GPATCH8: variants seen among roughly 807,000 people sequenced by gnomAD.
GPATCH8 encodes the protein G patch domain-containing protein 8.
In GPATCH8, 18 loss-of-function variants were observed where a neutral mutation model predicts 118.3. The ratio of observed to expected loss-of-function variants is 0.15; its 90% CI spans 0.11 to 0.23. The LOEUF (loss-of-function observed/expected upper bound fraction) is 0.23. Among genes scored for constraint, GPATCH8 ranks in the 10% least tolerant of loss-of-function variants. The probability of loss-of-function intolerance (pLI) is 1.00; values close to 1 mark genes in which losing one functional copy is unlikely to be tolerated. For synonymous variants in GPATCH8, 659 were observed against 684.7 expected, an observed-to-expected ratio of 0.96 and a Z score of 0.59; for missense variants, 1,631 against 1,873.8, an observed-to-expected ratio of 0.87 and a Z score of 2.39.
rs1415205972 is a variant in GPATCH8, at chr17:44,400,223, G to A, written c.1854C>T (p.Gly618=). The A allele has an allele frequency of 3.7e-6, 6 of 1,613,900 alleles. No homozygotes were observed. The highest frequency in any genetic ancestry group is 2.2e-5 in the South Asian group (2 of 91,062). ...CTGAGGAACGTACTATTTTCTCTCC[G>A]CCCACTTCCTTGCTTTTATTTGGCT... is the stretch of plus-strand genomic sequence containing the variant. The part of the protein sequence containing the change: ...PGEPNKSKEV[G]GEKIVRSSGG... The change falls in exon 8 of 8, where the codon GGC becomes GGT. Residue 618 remains glycine (G), a synonymous_variant. Transcript: ENST00000591680.
chr17:44,400,572 A>G lies in GPATCH8; in HGVS notation c.1505T>C (p.Val502Ala), dbSNP rs1162203703. The stretch of plus-strand genomic sequence containing the variant: ...GGACTCACACATTTGGGTCTCTGAA[A>G]CCTTCTGACTATGACTTTCTAAACT... Reference protein sequence around the residue: ...DQSLESHSQKVSETQMCESNS... With the variant: ...DQSLESHSQKASETQMCESNS... The change falls in exon 8 of 8, where the codon GTT becomes GCT. Residue 502 changes from valine to alanine, a missense_variant. By Grantham distance (64) the Val-to-Ala change is moderately conservative. Coordinates refer to ENST00000591680, the MANE Select transcript of GPATCH8 (RefSeq NM_001002909.4). 2.5e-6 allele frequency: 4 copies of G among 1,614,100 alleles called. No homozygotes were observed. The East Asian group carries it at 6.7e-5, about 27-fold the overall frequency.
chr17:44,409,851 A>G (rs1056874719), intron 6 of GPATCH8, among the ~76,000 whole-genome samples: 3 of 152,204 alleles, frequency 2.0e-5, no homozygotes, highest in African/African-American at 7.2e-5. Context: ...AGTGCACAAA[A>G]CACTACTAAG....
chr17:44,458,687 A>C (rs917991257), intron 3 of GPATCH8, among the ~76,000 whole-genome samples: 4 of 151,988 alleles, frequency 2.6e-5, no homozygotes, highest in African/African-American at 9.7e-5. Context: ...ATGCCTGGCT[A>C]ATCTATTTTT....
At chr17:44,463,687 A>G (rs908514173) in intron 3 of GPATCH8, among the ~76,000 whole-genome samples, 3 of 152,198 alleles carry the variant, frequency 2.0e-5, no homozygotes, top group East Asian at 1.9e-4. Context: ...GCCAATTCCC[A>G]TAATTTCTGA....
chr17:44,482,099 C>T (rs556430679), intron 1 of GPATCH8, among the ~76,000 whole-genome samples: 4 of 151,800 alleles, frequency 2.6e-5, no homozygotes, highest in African/African-American at 7.3e-5. Context: ...CCAGCCTGGG[C>T]GACAGAGTGA....
chr17:44,436,618 G>A, intron 3 of GPATCH8, 73 bp from the exon 4 acceptor site: 1 of 809,978 alleles, frequency 1.2e-6, no homozygotes, highest in Non-Finnish European at 2.2e-6. Context: ...TTGGGTTTTG[G>A]GTGGTTAGAG....
intron 3 of GPATCH8, among the ~76,000 whole-genome samples, chr17:44,453,315 G>A (rs958383614): frequency 6.6e-6 from 1 of 152,076 alleles, no homozygotes; most frequent in South Asian, 2.1e-4. Context: ...GCTTACCCTT[G>A]GGCAACATAT....
chr17:44,443,460 A>G (rs2050770770), intron 3 of GPATCH8, among the ~76,000 whole-genome samples: 1 of 152,192 alleles, frequency 6.6e-6, no homozygotes, highest in African/African-American at 2.4e-5. Context: ...AGCAACTCTA[A>G]CATATGATAT....
chr17:44,473,837 A>C (rs1598591158), intron 2 of GPATCH8: 1 of 152,222 alleles, frequency 6.6e-6, no homozygotes, highest in African/African-American at 2.4e-5. Flanking sequence ...AACACACACA[A>C]CACCAACCTA....
chr17:44,501,299 C>A (rs1970047409), intron 1 of GPATCH8, among the ~76,000 whole-genome samples: 1 of 151,958 alleles, frequency 6.6e-6, no homozygotes, highest in African/African-American at 2.4e-5. Flanking sequence ...TGCCTGTAAT[C>A]CCAGCTGCTT....
chr17:44,486,977 C>T (rs926549539), intron 1 of GPATCH8, among the ~76,000 whole-genome samples: 1 of 151,906 alleles, frequency 6.6e-6, no homozygotes, highest in African/African-American at 2.4e-5. Flanking sequence ...AATACATTTG[C>T]TACAATAGAT....
At chr17:44,453,943 ATTG>A (rs2051230970) in intron 3 of GPATCH8, among the ~76,000 whole-genome samples, 3 of 149,646 alleles carry the variant, frequency 2.0e-5, no homozygotes, top group Non-Finnish European at 4.5e-5. Flanking sequence ...AAAAAAAAAA[ATTG>A]AGGTGGTTTC....
chr17:44,487,399 C>T (rs188021521), intron 1 of GPATCH8, among the ~76,000 whole-genome samples: 1 of 152,144 alleles, frequency 6.6e-6, no homozygotes, highest in Admixed American at 6.6e-5. Flanking sequence ...TATCCATTCA[C>T]CTACTGAAGG....
chr17:44,433,868 G>A (rs2050404997), intron 5 of GPATCH8, among the ~76,000 whole-genome samples: 1 of 152,204 alleles, frequency 6.6e-6, no homozygotes, highest in African/African-American at 2.4e-5. Context: ...GCCAGGCGCA[G>A]TGGCTCACGC....
intron 1 of GPATCH8, among the ~76,000 whole-genome samples, chr17:44,488,721 G>GT (rs1462723636): frequency 6.6e-6 from 1 of 151,984 alleles, no homozygotes; most frequent in Non-Finnish European, 1.5e-5. Context: ...AGGGAATATA[G>GT]TGAGTGGTAT....
chr17:44,466,812 T>C (rs1301866629), intron 2 of GPATCH8, among the ~76,000 whole-genome samples: 2 of 152,184 alleles, frequency 1.3e-5, no homozygotes, highest in African/African-American at 4.8e-5. Flanking sequence ...TAAGAGTATA[T>C]GGTTTATCAG....
At chr17:44,412,583 C>T (rs1284590219) in intron 6 of GPATCH8, among the ~76,000 whole-genome samples, 1 of 151,956 alleles carries the variant, frequency 6.6e-6, no homozygotes, top group Non-Finnish European at 1.5e-5. Flanking sequence ...AGGGTTTCAC[C>T]ATGTTGGCCA....
intron 1 of GPATCH8, among the ~76,000 whole-genome samples, chr17:44,483,667 A>T (rs1283832957): frequency 6.6e-6 from 1 of 151,802 alleles, no homozygotes; most frequent in Non-Finnish European, 1.5e-5. Context: ...TTTGAGACAG[A>T]GTCTTGCTGT....
At position 44,446,597 on chromosome 17, in the gene GPATCH8, T is replaced by C. The variant is rs560804364; in HGVS notation, c.194-10052A>G. ...AAAGGAGTTAGACAAATCTATAAGG[T>C]TCACTTCACAATTCTAAAGTTTGAA... On this transcript the variant is annotated intron_variant, in intron 3 of 7. Coordinates refer to ENST00000591680, the MANE Select transcript of GPATCH8 (RefSeq NM_001002909.4). 2.6e-5 allele frequency among the ~76,000 whole-genome samples: 4 copies of C among 152,100 alleles called. No homozygotes were observed. The South Asian group carries it at 8.3e-4, about 32-fold the overall frequency.
Sources: allele counts gnomAD v4.1 joint callset (sites outside exome capture counted in the v4.1 genomes callset), GRCh38; gene constraint gnomAD v4.1.1; transcripts MANE v1.5; gene names NCBI Gene and HGNC (gene_info 2026-07-23, HGNC 2026-07-21).